Variants in PSEN2 observed in about 807,000 individuals in gnomAD.
PSEN2 encodes presenilin 2, also known as presenilin-2.
PSEN2 carries 32 observed loss-of-function variants against 49.1 expected under a neutral mutation model. That is an observed-to-expected ratio of 0.65 (90% CI 0.49 to 0.88). The LOEUF (loss-of-function observed/expected upper bound fraction) is 0.88. Ranked by LOEUF, PSEN2 falls within the 40% of genes least tolerant of loss-of-function variation. PSEN2 has a pLI of 0.00. For missense variants in PSEN2, 522 were observed against 586.9 expected, an observed-to-expected ratio of 0.89 and a Z score of 1.14; for synonymous variants, 255 against 244.0, an observed-to-expected ratio of 1.05 and a Z score of -0.42.
chr1:226,885,481 G>C (rs1661294613), intron 5 of PSEN2, 57 bp from the exon 6 acceptor site: 2 of 1,594,110 alleles, frequency 1.3e-6, no homozygotes, highest in Non-Finnish European at 1.7e-6. Context: ...ACTCAAGGTG[G>C]GGAGCCTCGA....
At chr1:226,881,381 A>G (rs1400757942) in intron 3 of PSEN2, among the ~76,000 whole-genome samples, 1 of 152,168 alleles carries the variant, frequency 6.6e-6, no homozygotes, top group East Asian at 1.9e-4. Context: ...TCCATCAGAT[A>G]GGCTCTTCTC....
Position 226,891,377 on chromosome 1 carries a change from A to C in PSEN2, c.970+16A>C, listed in dbSNP as rs1244172553. 1.2e-6 allele frequency: 2 copies of C among 1,602,452 alleles called. No individual in the cohort carries two copies. Among genetic ancestry groups the C allele is most frequent in the East Asian group, 2.2e-5 (1 of 44,594 alleles). On this transcript the variant is annotated intron_variant, in intron 10 of 12. Transcript: ENST00000366783. ...CCGGAGATGGGTGAGTATCTTGGGG[A>C]GCTAACAGCCTCTCATCACTGGGGG... is the stretch of plus-strand genomic sequence containing the variant.
chr1:226,873,143 C>T (rs1571932246), intron 2 of PSEN2, among the ~76,000 whole-genome samples: 1 of 151,614 alleles, frequency 6.6e-6, no homozygotes, highest in Non-Finnish European at 1.5e-5. Flanking sequence ...GGCCATGGCA[C>T]TCCAGCCTGG....
intron 3 of PSEN2, among the ~76,000 whole-genome samples, chr1:226,876,515 C>A (rs983432342): frequency 7.2e-5 from 11 of 152,142 alleles, no homozygotes; most frequent in Non-Finnish European, 1.2e-4. Context: ...CCTACAGATA[C>A]AGTCTGTGTT....
chr1:226,879,755 T>C (rs767346885), intron 3 of PSEN2, among the ~76,000 whole-genome samples: 2 of 152,250 alleles, frequency 1.3e-5, no homozygotes, highest in African/African-American at 2.4e-5. Context: ...TGTCCCCTCC[T>C]GTCGGGTGCA....
intron 3 of PSEN2, among the ~76,000 whole-genome samples, chr1:226,878,691 A>C (rs1660788831): frequency 6.6e-6 from 1 of 152,186 alleles, no homozygotes; most frequent in South Asian, 2.1e-4. Context: ...GATAAATCAC[A>C]GGAGCTTAAG....
chr1:226,901,612 C>G (rs1662324014), downstream of PSEN2, among the ~76,000 whole-genome samples: 1 of 151,992 alleles, frequency 6.6e-6, no homozygotes, highest in Non-Finnish European at 1.5e-5. Context: ...GAAGTGGTGT[C>G]TCTTCGTGGC....
At chr1:226,900,479 T>C (rs1040072256), downstream of PSEN2, among the ~76,000 whole-genome samples, 2 of 152,220 alleles carry the variant, frequency 1.3e-5, no homozygotes, top group Non-Finnish European at 2.9e-5. Context: ...TGATGTGTTT[T>C]ATGCTTATGT....
intron 8 of PSEN2, among the ~76,000 whole-genome samples, chr1:226,889,616 C>T (rs1348670785): frequency 1.4e-4 from 22 of 152,246 alleles, no homozygotes; most frequent in Non-Finnish European, 1.5e-5. Flanking sequence ...AGCAAGTGCA[C>T]TGTTAAGCAC....
intron 4 of PSEN2, among the ~76,000 whole-genome samples, chr1:226,882,368 C>G (rs1661057736): frequency 1.3e-5 from 2 of 152,192 alleles, no homozygotes; most frequent in African/African-American, 4.8e-5. Flanking sequence ...GGTGCTAGGA[C>G]AGGTAACACA....
In PSEN2 at chr1:226,891,817, G is replaced by A. The variant is rs759669954; in HGVS notation, c.1045G>A (p.Gly349Arg). Residue 349 changes from glycine to arginine, a missense_variant, in exon 11 of 13, where the codon GGG (glycine) becomes AGG (arginine). Physicochemically the swap from Gly to Arg is moderately radical, Grantham distance 125. Coordinates refer to ENST00000366783, the MANE Select transcript of PSEN2 (RefSeq NM_000447.3). ...VFEPPLTGYP[G>R]EELEEEEERG... is the part of the protein sequence containing the mutation. ...TGAGCCTCCCTTGACTGGCTACCCA[G>A]GGGAGGAGCTGGAGGAAGAGGAGGA... 5.6e-6 allele frequency: 9 copies of A among 1,614,032 alleles called. No homozygotes were observed. The African/African-American group carries it at 6.7e-5, about 12-fold the overall frequency.
chr1:226,888,850 T>C lies in PSEN2; in HGVS notation c.588T>C (p.Asn196=), dbSNP rs144629723. 7.4e-5 allele frequency: 120 copies of C among 1,614,020 alleles called. No individual in the cohort carries two copies. Among genetic ancestry groups the C allele is most frequent in the Non-Finnish European group, 9.7e-5 (115 of 1,180,020 alleles). ...GCAGGGAAGTGCTCAAGACCTACAATGTGGCCATGGACTACCCCACCCTCT... is the reference window on the plus strand; with the variant it reads ...GCAGGGAAGTGCTCAAGACCTACAACGTGGCCATGGACTACCCCACCCTCT... ...IYLGEVLKTY[N]VAMDYPTLLL... Residue 196 remains asparagine, a synonymous_variant, in exon 8 of 13, where the codon AAT becomes AAC. Coordinates refer to ENST00000366783, the MANE Select transcript of PSEN2 (RefSeq NM_000447.3).
rs767835970 is a variant in PSEN2, at chr1:226,885,628, C to T, written c.447C>T (p.Ile149=). ...VLNTLIMISV[I]VVMTIFLVVL... is the part of the protein sequence containing the mutation. The stretch of plus-strand genomic sequence containing the variant: ...ACACCCTCATCATGATCAGCGTCAT[C>T]GTGGTTATGACCATCTTCTTGGTGG... Residue 149 remains isoleucine, a synonymous_variant, in exon 6 of 13, where the codon ATC becomes ATT. Transcript: ENST00000366783. 1.4e-5 allele frequency: 22 copies of T among 1,612,944 alleles called. No homozygotes were observed. The highest frequency in any genetic ancestry group is 5.0e-5 in the Admixed American group (3 of 60,000).
At chr1:226,890,743 G>C (rs749970441) in intron 9 of PSEN2, 1 of 190,466 alleles carries the variant, frequency 5.3e-6, no homozygotes, top group Non-Finnish European at 1.1e-5. Context: ...TGATTGTGAT[G>C]CCCTCGGTCT....
chr1:226,872,299 A>G (rs1660355503), intron 2 of PSEN2, among the ~76,000 whole-genome samples: 1 of 152,252 alleles, frequency 6.6e-6, no homozygotes, highest in Non-Finnish European at 1.5e-5. Flanking sequence ...TGAGTTGGTC[A>G]TAATAAAAAG....
chr1:226,899,747 T>C (rs1046765874), downstream of PSEN2, among the ~76,000 whole-genome samples: 2 of 152,200 alleles, frequency 1.3e-5, no homozygotes, highest in Non-Finnish European at 2.9e-5. Context: ...AGGGGTCAGA[T>C]GCCTCTTTTT....
At chr1:226,891,480 G>A in intron 10 of PSEN2, 119 bp downstream of exon 10, 1 of 951,040 alleles carries the variant, frequency 1.1e-6, no homozygotes, top group Non-Finnish European at 1.6e-6. Flanking sequence ...CAGAGGGAAA[G>A]GTCCGTTGAA....
chr1:226,873,357 G>A (rs1210314712), intron 2 of PSEN2, among the ~76,000 whole-genome samples: 1 of 152,068 alleles, frequency 6.6e-6, no homozygotes, highest in Non-Finnish European at 1.5e-5. Flanking sequence ...ACCTTAACCA[G>A]AAACTTACTG....
intron 12 of PSEN2, among the ~76,000 whole-genome samples, chr1:226,894,724 G>A (rs941222054): frequency 6.6e-6 from 1 of 152,244 alleles, no homozygotes; most frequent in African/African-American, 2.4e-5. Context: ...GAGGAGGAGC[G>A]TCTGAGCCGT....
Sources: allele counts gnomAD v4.1 joint callset (sites outside exome capture counted in the v4.1 genomes callset), GRCh38; gene constraint gnomAD v4.1.1; transcripts MANE v1.5; gene names NCBI Gene and HGNC (gene_info 2026-07-23, HGNC 2026-07-21).